The following RBFOX1 variants were observed in gnomAD, a reference collection of about 807,000 sequenced individuals.
RBFOX1 encodes RNA binding protein fox-1 homolog 1.
In RBFOX1, 8 loss-of-function variants were observed where a neutral mutation model predicts 57.7. The observed-to-expected ratio is 0.14, with a 90% CI of 0.08 to 0.25. RBFOX1 has a LOEUF of 0.25. Among genes scored for constraint, RBFOX1 ranks in the 10% least tolerant of loss-of-function variants. The pLI, the probability that RBFOX1 is intolerant of heterozygous loss-of-function variation, is 1.00. For missense variants in RBFOX1, 611 were observed against 548.5 expected (o/e 1.11, Z -1.14); for synonymous variants, 326 against 222.4 (o/e 1.47, Z -4.15).
intron 1 of RBFOX1, among the ~76,000 whole-genome samples, chr16:5,244,220 A>G (rs1463756963): frequency 6.6e-6 from 1 of 152,244 alleles, no homozygotes; most frequent in African/African-American, 2.4e-5. Context: ...TAACACAGAC[A>G]AAGCACAAAA....
rs968186299 is a variant in RBFOX1 at position 6,948,375 on chromosome 16, C to CTTTTTTTT, written c.-15-103660_-15-103653dup. Among the ~76,000 whole-genome samples the CTTTTTTTT allele has an allele frequency of 4.6e-3, 314 of 67,972 alleles. 28 individuals carry two copies. Among genetic ancestry groups the CTTTTTTTT allele is most frequent in the Non-Finnish European group, 5.6e-3 (199 of 35,426 alleles). The allele number at this position is 67,972 out of a possible 152,430, so 44.6% of individuals were successfully genotyped here. ...TACATGTCCTTTTCTTTCTCCCTTT[C>CTTTTTTTT]TTTTTTTTTTTTTTTTTTTTTTTTT... On this transcript the variant is annotated intron_variant, in intron 3 of 15. Coordinates refer to ENST00000550418, the MANE Select transcript of RBFOX1 (RefSeq NM_018723.4).
Position 7,499,994 on chromosome 16 carries a change from G to C in RBFOX1, c.28-18153G>C, listed in dbSNP as rs181451608. Among the ~76,000 whole-genome samples the C allele has an allele frequency of 1.3e-3, 195 of 152,198 alleles. 1 individual carries two copies. In the South Asian group the frequency reaches 0.037, roughly 29 times the overall value. On this transcript the variant is annotated intron_variant, in intron 4 of 15. Transcript: ENST00000550418. ...TCCAAAAACCCCTGGTTTTCCTTGA[G>C]TACACCTTGACATCATGCAAAACCT...
At chr16:7,354,944 C>A (rs1220104843) in intron 4 of RBFOX1, among the ~76,000 whole-genome samples, 1 of 152,168 alleles carries the variant, frequency 6.6e-6, no homozygotes. Context: ...TGCTTTCCCT[C>A]ATTTAAGCAA....
chr16:6,765,213 T>G (rs913579586), intron 3 of RBFOX1, among the ~76,000 whole-genome samples: 1 of 152,078 alleles, frequency 6.6e-6, no homozygotes, highest in Non-Finnish European at 1.5e-5. Context: ...GACTAAAGGC[T>G]GGAGGAACAG....
intron 2 of RBFOX1, among the ~76,000 whole-genome samples, chr16:5,535,266 C>A (rs1455965721): frequency 1.3e-5 from 2 of 152,208 alleles, no homozygotes; most frequent in South Asian, 4.1e-4. Flanking sequence ...ACTCCAAAAT[C>A]TCACCTGAAT....
chr16:7,503,098 C>G (rs781641223), intron 4 of RBFOX1, among the ~76,000 whole-genome samples: 37 of 152,174 alleles, frequency 2.4e-4, no homozygotes, highest in Non-Finnish European at 4.7e-4. Flanking sequence ...TACTTTTTAT[C>G]TAGAATGTTT....
chr16:6,344,798 C>G (rs865842741), intron 2 of RBFOX1, among the ~76,000 whole-genome samples: 5 of 143,994 alleles, frequency 3.5e-5, no homozygotes, highest in African/African-American at 1.3e-4. Context: ...TCAAGCGATT[C>G]TCCTGCCTCA....
At chr16:6,767,244 A>T (rs192878212) in intron 3 of RBFOX1, among the ~76,000 whole-genome samples, 298 of 152,162 alleles carry the variant, frequency 2.0e-3, no homozygotes, top group African/African-American at 6.1e-3. Context: ...ACTGGCTCCT[A>T]GATGACCAAG....
intron 11 of RBFOX1, among the ~76,000 whole-genome samples, chr16:7,653,471 A>C (rs928131749): frequency 5.9e-5 from 9 of 152,086 alleles, no homozygotes; most frequent in African/African-American, 1.9e-4. Flanking sequence ...GCACCACTGC[A>C]CTCCAGCCTG....
At chr16:7,241,997 T>G (rs1024352333) in intron 4 of RBFOX1, among the ~76,000 whole-genome samples, 5 of 152,188 alleles carry the variant, frequency 3.3e-5, no homozygotes, top group Non-Finnish European at 5.9e-5. Context: ...CTTGATACTT[T>G]GGATTGGTAA....
chr16:6,983,397 C>T (rs59028793), intron 3 of RBFOX1, among the ~76,000 whole-genome samples: 3,361 of 149,590 alleles, frequency 0.022, 130 homozygotes, highest in African/African-American at 0.078. Flanking sequence ...GGGAGAATAT[C>T]GAGAATGATA....
chr16:6,605,341 A>G (rs2097911720), intron 2 of RBFOX1, among the ~76,000 whole-genome samples: 1 of 152,212 alleles, frequency 6.6e-6, no homozygotes, highest in South Asian at 2.1e-4. Context: ...TTTTACAGGT[A>G]GCTGTCTGGC....
intron 4 of RBFOX1, chr16:7,126,645 A>T (rs1453967496): frequency 6.4e-6 from 1 of 155,364 alleles, no homozygotes; most frequent in Non-Finnish European, 1.4e-5. Flanking sequence ...GTCATCTTGG[A>T]GGCAAGGACC....
chr16:5,532,010 G>A (rs1047786143), intron 2 of RBFOX1, among the ~76,000 whole-genome samples: 4 of 152,128 alleles, frequency 2.6e-5, no homozygotes, highest in Non-Finnish European at 5.9e-5. Context: ...TTGTTGGCCA[G>A]GCTGATCTTG....
chr16:7,298,572 A>C (rs1446186802), intron 4 of RBFOX1, among the ~76,000 whole-genome samples: 1 of 152,166 alleles, frequency 6.6e-6, no homozygotes, highest in Non-Finnish European at 1.5e-5. Context: ...GATTACAGGC[A>C]TGAGCCAACA....
At chr16:6,711,632 G>A (rs545640615) in intron 3 of RBFOX1, among the ~76,000 whole-genome samples, 1 of 152,224 alleles carries the variant, frequency 6.6e-6, no homozygotes, top group South Asian at 2.1e-4. Flanking sequence ...ATGATTGTAA[G>A]TTTCTCGAGG....
intron 4 of RBFOX1, chr16:7,126,155 A>C (rs2068483640): frequency 6.5e-6 from 1 of 153,586 alleles, no homozygotes; most frequent in Non-Finnish European, 1.5e-5. Flanking sequence ...TAACTGTGTC[A>C]CTTCTCCCTT....
At chr16:5,815,184 C>T (rs117644099) in intron 3 of RBFOX1, among the ~76,000 whole-genome samples, 2,306 of 120,828 alleles carry the variant, frequency 0.019, 30 homozygotes, top group Non-Finnish European at 0.028. Flanking sequence ...TTTGTAGAGA[C>T]AGTCTCACTA....
intron 4 of RBFOX1, among the ~76,000 whole-genome samples, chr16:7,167,885 G>A (rs1226154333): frequency 6.6e-6 from 1 of 152,072 alleles, no homozygotes; most frequent in Non-Finnish European, 1.5e-5. Flanking sequence ...TGTGCCAACC[G>A]CTCTTCTAGG....
Sources: allele counts gnomAD v4.1 joint callset (sites outside exome capture counted in the v4.1 genomes callset), GRCh38; gene constraint gnomAD v4.1.1; transcripts MANE v1.5; gene names NCBI Gene and HGNC (gene_info 2026-07-23, HGNC 2026-07-21).